The following ZMAT4 variants were observed in gnomAD, a reference collection of about 807,000 sequenced individuals.
The protein encoded by ZMAT4 is zinc finger matrin-type protein 4.
In ZMAT4, 17 loss-of-function variants were observed where a neutral mutation model predicts 28.7. The ratio of observed to expected loss-of-function variants is 0.59; its 90% CI spans 0.41 to 0.89. The LOEUF (loss-of-function observed/expected upper bound fraction) is 0.89, where lower values mean the gene tolerates loss of function less well. Ranked by LOEUF, ZMAT4 falls within the 40% of genes least tolerant of loss-of-function variation. The probability of loss-of-function intolerance (pLI) is 0.00; values close to 1 mark genes in which losing one functional copy is unlikely to be tolerated. For synonymous variants in ZMAT4, 117 were observed against 109.2 expected (o/e 1.07, Z -0.44); for missense variants, 240 against 283.8 (o/e 0.85, Z 1.11).
chr8:40,706,253 A>G (rs1247640464), intron 3 of ZMAT4, among the ~76,000 whole-genome samples: 1 of 152,094 alleles, frequency 6.6e-6, no homozygotes, highest in Non-Finnish European at 1.5e-5. Context: ...ACGGGGTTTC[A>G]CCGTGTTAGA....
intron 3 of ZMAT4, among the ~76,000 whole-genome samples, chr8:40,759,429 A>G (rs1237762792): frequency 6.6e-6 from 1 of 152,192 alleles, no homozygotes; most frequent in Non-Finnish European, 1.5e-5. Flanking sequence ...ATGGGAGTGG[A>G]GCCCTCATGA....
At chr8:40,556,520 C>A (rs1369910111) in intron 6 of ZMAT4, among the ~76,000 whole-genome samples, 1 of 152,080 alleles carries the variant, frequency 6.6e-6, no homozygotes, top group Non-Finnish European at 1.5e-5. Flanking sequence ...TCTCTTGTCC[C>A]GTTCTCCACC....
intron 3 of ZMAT4, among the ~76,000 whole-genome samples, chr8:40,740,101 A>G (rs147934363): frequency 0.015 from 2,231 of 152,268 alleles, 51 homozygotes; most frequent in African/African-American, 0.051. Context: ...GCTGCAATAA[A>G]CATTCATGTG....
intron 5 of ZMAT4, among the ~76,000 whole-genome samples, chr8:40,637,854 CA>C (rs1806854703): frequency 6.6e-6 from 1 of 152,146 alleles, no homozygotes; most frequent in South Asian, 2.1e-4. Context: ...TGCCAACCTA[CA>C]AAATGGAATA....
intron 1 of ZMAT4, among the ~76,000 whole-genome samples, chr8:40,826,561 T>C (rs1010274011): frequency 6.6e-6 from 1 of 152,162 alleles, no homozygotes; most frequent in African/African-American, 2.4e-5. Context: ...AAATCTAGTT[T>C]AGAGTTAAAT....
At chr8:40,775,974 A>G (rs2150567991) in intron 2 of ZMAT4, among the ~76,000 whole-genome samples, 1 of 152,190 alleles carries the variant, frequency 6.6e-6, no homozygotes, top group Admixed American at 6.5e-5. Flanking sequence ...GCGGCTGTCT[A>G]CACGCCAGGA....
At chr8:40,757,215 G>C (rs991489847) in intron 3 of ZMAT4, among the ~76,000 whole-genome samples, 1 of 152,162 alleles carries the variant, frequency 6.6e-6, no homozygotes, top group African/African-American at 2.4e-5. Flanking sequence ...TGCACTTTGG[G>C]TGACTCAAAC....
At chr8:40,647,116 G>C (rs1032652179) in intron 5 of ZMAT4, among the ~76,000 whole-genome samples, 25 of 152,192 alleles carry the variant, frequency 1.6e-4, no homozygotes, top group African/African-American at 5.6e-4. Context: ...AGCTCCCAGC[G>C]TGAGCGACGC....
At chr8:40,676,167 T>C (rs929762113) in intron 4 of ZMAT4, among the ~76,000 whole-genome samples, 3 of 152,176 alleles carry the variant, frequency 2.0e-5, no homozygotes, top group South Asian at 4.1e-4. Context: ...AGGTGAGATA[T>C]CTAGTGATGG....
chr8:40,578,851 C>A (rs991425002), intron 6 of ZMAT4, among the ~76,000 whole-genome samples: 6 of 152,146 alleles, frequency 3.9e-5, no homozygotes, highest in Non-Finnish European at 7.3e-5. Context: ...GGAAGTGGAA[C>A]CCTCTTTTCA....
At chr8:40,662,850 T>A (rs957639736) in intron 5 of ZMAT4, among the ~76,000 whole-genome samples, 5 of 152,196 alleles carry the variant, frequency 3.3e-5, no homozygotes, top group Non-Finnish European at 7.3e-5. Flanking sequence ...TTTTGCTAAC[T>A]GGGAGAGCAC....
At position 40,631,233 on chromosome 8, in the gene ZMAT4, C is replaced by T. The variant is rs540869794; in HGVS notation, c.577+43471G>A. On this transcript the variant is annotated intron_variant, in intron 5 of 6. Coordinates refer to ENST00000297737, the MANE Select transcript of ZMAT4 (RefSeq NM_024645.3). ...TCTCGCCCAGGCTGGAGTGCTGAGG[C>T]GAGATTTCGGCTCACTGCAACCTCT... Among the ~76,000 whole-genome samples the T allele has an allele frequency of 1.1e-4, 17 of 152,198 alleles. No individual in the cohort carries two copies. In the East Asian group the frequency reaches 1.2e-3, roughly 10 times the overall value.
At chr8:40,802,019 A>G (rs572138978) in intron 2 of ZMAT4, among the ~76,000 whole-genome samples, 1 of 152,342 alleles carries the variant, frequency 6.6e-6, no homozygotes, top group South Asian at 2.1e-4. Context: ...ATTTGACAAA[A>G]TCCAACACCC....
chr8:40,769,767 T>C (rs1813313412), intron 2 of ZMAT4, among the ~76,000 whole-genome samples: 1 of 151,130 alleles, frequency 6.6e-6, no homozygotes. Context: ...AATCTCATCA[T>C]GCGGCCTGGT....
intron 3 of ZMAT4, among the ~76,000 whole-genome samples, chr8:40,737,933 AAT>A (rs1452430144): frequency 1.6e-4 from 25 of 152,258 alleles, no homozygotes; most frequent in African/African-American, 6.0e-4. Context: ...GTTAGTGATT[AAT>A]ATGACTGCCA....
chr8:40,544,587 G>T (rs752686753), intron 6 of ZMAT4, among the ~76,000 whole-genome samples: 11 of 152,186 alleles, frequency 7.2e-5, no homozygotes, highest in Non-Finnish European at 1.5e-4. Context: ...AGAGAATTGT[G>T]GGTATAACTT....
At position 40,764,567 on chromosome 8, in the gene ZMAT4, G is replaced by C. The variant is rs567598298; in HGVS notation, c.192+3074C>G. Among the ~76,000 whole-genome samples, 9 of 152,214 alleles carry C rather than the reference G, an allele frequency of 5.9e-5. No homozygotes were observed. The East Asian group carries it at 1.5e-3, about 26-fold the overall frequency. On this transcript the variant is annotated intron_variant, in intron 3 of 6. Transcript: ENST00000297737. ...TCTCTGTTTACAAAGCCATACGCTGGGGGTATTCAGGGCAGATGTGAATGC... is the reference window on the plus strand; with the variant it reads ...TCTCTGTTTACAAAGCCATACGCTGCGGGTATTCAGGGCAGATGTGAATGC...
chr8:40,572,547 G>A (rs1400347786), intron 6 of ZMAT4, among the ~76,000 whole-genome samples: 1 of 152,072 alleles, frequency 6.6e-6, no homozygotes, highest in Non-Finnish European at 1.5e-5. Context: ...GGCCTGGAGT[G>A]TTCCCTAAGC....
At chr8:40,894,689 C>T (rs752438808) in intron 1 of ZMAT4, among the ~76,000 whole-genome samples, 1 of 152,138 alleles carries the variant, frequency 6.6e-6, no homozygotes, top group East Asian at 1.9e-4. Context: ...GTGCTCCAAC[C>T]TCTTCAACTT....
Sources: allele counts gnomAD v4.1 joint callset (sites outside exome capture counted in the v4.1 genomes callset), GRCh38; gene constraint gnomAD v4.1.1; transcripts MANE v1.5; gene names NCBI Gene and HGNC (gene_info 2026-07-23, HGNC 2026-07-21).